CNTN5: variants seen among roughly 807,000 people sequenced by gnomAD.
CNTN5 encodes contactin 5.
In CNTN5, 77 loss-of-function variants were observed where a neutral mutation model predicts 129.1. That is an observed-to-expected ratio of 0.60 (90% CI 0.50 to 0.72). CNTN5 has a LOEUF of 0.72. Ranked by LOEUF, CNTN5 falls within the 30% of genes least tolerant of loss-of-function variation. The pLI, the probability that CNTN5 is intolerant of heterozygous loss-of-function variation, is 0.00. For synonymous variants in CNTN5, 509 were observed against 465.6 expected, an observed-to-expected ratio of 1.09 and a Z score of -1.20; for missense variants, 1,478 against 1,328.8, an observed-to-expected ratio of 1.11 and a Z score of -1.75.
intron 1 of CNTN5, among the ~76,000 whole-genome samples, chr11:99,159,609 G>A (rs1199534046): frequency 2.0e-5 from 3 of 152,130 alleles, no homozygotes; most frequent in East Asian, 1.9e-4. Flanking sequence ...GCAACAGAGC[G>A]AGACTCTGTC....
At chr11:99,523,959 C>G (rs1334984924) in intron 2 of CNTN5, among the ~76,000 whole-genome samples, 1 of 152,180 alleles carries the variant, frequency 6.6e-6, no homozygotes, top group Non-Finnish European at 1.5e-5. Flanking sequence ...CAGACTACTT[C>G]TTCCATAATC....
Position 99,494,769 on chromosome 11 carries a change from G to A in CNTN5, c.-70-61376G>A, listed in dbSNP as rs777538733. 3.9e-5 allele frequency among the ~76,000 whole-genome samples: 6 copies of A among 152,064 alleles called. No homozygotes were observed. In the East Asian group the frequency reaches 5.8e-4, roughly 15 times the overall value. Reference sequence around the variant, plus strand: ...ATTTTTAGCTCCAAGTAAAGGTGTCGTTTGATTTTCCAGTGCTGTATAATT... The same window carrying A: ...ATTTTTAGCTCCAAGTAAAGGTGTCATTTGATTTTCCAGTGCTGTATAATT... On this transcript the variant is annotated intron_variant, in intron 2 of 24. Transcript: ENST00000524871.
intron 13 of CNTN5, among the ~76,000 whole-genome samples, chr11:100,172,209 A>G (rs1947847205): frequency 6.6e-6 from 1 of 151,866 alleles, no homozygotes; most frequent in Admixed American, 6.6e-5. Context: ...TGTAACTTTC[A>G]CTCCCTGCCA....
At chr11:99,546,830 C>CA (rs1948309983) in intron 2 of CNTN5, among the ~76,000 whole-genome samples, 1 of 152,008 alleles carries the variant, frequency 6.6e-6, no homozygotes, top group Admixed American at 6.6e-5. Flanking sequence ...CTTGGACACG[C>CA]AAAGCCCATT....
intron 1 of CNTN5, among the ~76,000 whole-genome samples, chr11:99,084,225 A>C (rs1035656026): frequency 4.6e-5 from 7 of 152,140 alleles, no homozygotes; most frequent in African/African-American, 7.2e-5. Flanking sequence ...TCCCCAACTC[A>C]AGAACAACCT....
intron 3 of CNTN5, among the ~76,000 whole-genome samples, chr11:99,744,210 C>A (rs11221188): frequency 2.6e-5 from 4 of 152,020 alleles, no homozygotes; most frequent in African/African-American, 7.2e-5. Context: ...ATTTTCAGTT[C>A]TATTGCAAAT....
chr11:99,660,724 A>G (rs1247684422), intron 3 of CNTN5, among the ~76,000 whole-genome samples: 1 of 152,120 alleles, frequency 6.6e-6, no homozygotes, highest in Non-Finnish European at 1.5e-5. Context: ...CCAATGTAAC[A>G]TATTTATTCT....
chr11:99,476,366 A>G (rs1268077034), intron 2 of CNTN5, among the ~76,000 whole-genome samples: 5 of 152,104 alleles, frequency 3.3e-5, no homozygotes, highest in African/African-American at 9.7e-5. Context: ...TCACACTTTC[A>G]TTACTTAGAA....
intron 6 of CNTN5, among the ~76,000 whole-genome samples, chr11:99,881,021 C>T (rs1948758314): frequency 1.3e-5 from 2 of 152,046 alleles, no homozygotes; most frequent in South Asian, 4.2e-4. Context: ...TAGTAATTGA[C>T]TTTAAGAGTT....
intron 7 of CNTN5, among the ~76,000 whole-genome samples, chr11:99,922,690 T>C (rs1949968212): frequency 6.6e-6 from 1 of 152,328 alleles, no homozygotes; most frequent in Non-Finnish European, 1.5e-5. Context: ...CAATGTAAAG[T>C]GTCAGGAGTC....
intron 1 of CNTN5, among the ~76,000 whole-genome samples, chr11:99,143,756 G>C (rs965014706): frequency 1.3e-5 from 2 of 152,056 alleles, no homozygotes; most frequent in African/African-American, 4.8e-5. Flanking sequence ...GCCATTCCAG[G>C]CCCTTCCATT....
intron 2 of CNTN5, among the ~76,000 whole-genome samples, chr11:99,492,286 T>C (rs1946066396): frequency 6.6e-6 from 1 of 152,118 alleles, no homozygotes; most frequent in Non-Finnish European, 1.5e-5. Flanking sequence ...AAAACAAAGA[T>C]CTACATATTT....
chr11:99,249,124 C>T lies in CNTN5; in HGVS notation c.-209-76222C>T, dbSNP rs576351379. ...CATGGAATGTTCTTCCATTTGTTCG[C>T]ATCCTCTTTTATTTCGTTGAGCAGT... On this transcript the variant is annotated intron_variant, in intron 1 of 24. Coordinates refer to ENST00000524871, the MANE Select transcript of CNTN5 (RefSeq NM_014361.4). 4.6e-5 allele frequency among the ~76,000 whole-genome samples: 7 copies of T among 152,066 alleles called. No homozygotes were observed. In the East Asian group the frequency reaches 5.8e-4, roughly 13 times the overall value.
intron 3 of CNTN5, among the ~76,000 whole-genome samples, chr11:99,639,855 C>T (rs183201466): frequency 3.3e-5 from 5 of 152,230 alleles, no homozygotes; most frequent in East Asian, 1.9e-4. Flanking sequence ...TGAGCCACCA[C>T]GTCAGTCCCA....
intron 1 of CNTN5, among the ~76,000 whole-genome samples, chr11:99,049,312 T>C (rs1044954342): frequency 2.0e-5 from 3 of 152,202 alleles, no homozygotes; most frequent in Admixed American, 1.3e-4. Context: ...GTTAGGTAGA[T>C]AAAACAGAAA....
At chr11:99,567,227 C>T (rs1949034000) in intron 3 of CNTN5, among the ~76,000 whole-genome samples, 1 of 152,138 alleles carries the variant, frequency 6.6e-6, no homozygotes, top group African/African-American at 2.4e-5. Context: ...GAAGGTGAGA[C>T]AAGAGAGGAA....
At chr11:99,636,480 T>C (rs987044238) in intron 3 of CNTN5, among the ~76,000 whole-genome samples, 2 of 152,090 alleles carry the variant, frequency 1.3e-5, no homozygotes, top group African/African-American at 2.4e-5. Flanking sequence ...GCTGGGTCTT[T>C]GTCCTGTACC....
At chr11:99,173,487 T>C (rs533732762) in intron 1 of CNTN5, among the ~76,000 whole-genome samples, 3 of 152,336 alleles carry the variant, frequency 2.0e-5, no homozygotes, top group Admixed American at 6.5e-5. Flanking sequence ...TCAGATTTTA[T>C]TGTTAGAAGG....
intron 3 of CNTN5, among the ~76,000 whole-genome samples, chr11:99,766,003 GCATCTTGAATAT>G (rs1944741368): frequency 6.6e-6 from 1 of 151,908 alleles, no homozygotes; most frequent in Non-Finnish European, 1.5e-5. Context: ...AATTTTACTA[GCATCTTGAATAT>G]CATCTGTGAT....
Sources: gnomAD v4.1 joint callset for allele counts (sites outside exome capture counted in the v4.1 genomes callset) on GRCh38, gnomAD v4.1.1 for gene constraint, MANE v1.5 for transcripts, NCBI Gene and HGNC (gene_info 2026-07-23, HGNC 2026-07-21) for gene names.